Variants in NALF1 observed in about 807,000 individuals in gnomAD.
NALF1 encodes family with sequence similarity 155 member A.
In NALF1, 3 loss-of-function variants were observed where a neutral mutation model predicts 48.4. The observed-to-expected ratio is 0.06, with a 90% confidence interval of 0.03 to 0.16. The LOEUF (loss-of-function observed/expected upper bound fraction) is 0.16. Among genes scored for constraint, NALF1 ranks in the 10% least tolerant of loss-of-function variants. The pLI is 1.00. For synonymous variants in NALF1, 262 were observed against 245.7 expected, an observed-to-expected ratio of 1.07 and a Z score of -0.62; for missense variants, 526 against 571.5, an observed-to-expected ratio of 0.92 and a Z score of 0.81.
intron 1 of NALF1, among the ~76,000 whole-genome samples, chr13:107,706,883 G>C (rs1875386596): frequency 6.6e-6 from 1 of 151,582 alleles, no homozygotes; most frequent in Non-Finnish European, 1.5e-5. Flanking sequence ...TATGGGGAGA[G>C]GGTTATGTCC....
intron 1 of NALF1, among the ~76,000 whole-genome samples, chr13:107,539,602 G>A (rs1199371693): frequency 1.3e-5 from 2 of 152,120 alleles, no homozygotes; most frequent in Non-Finnish European, 2.9e-5. Flanking sequence ...AATAAGAGAT[G>A]TTTTATGAGA....
At chr13:107,635,920 C>A (rs1879963973) in intron 1 of NALF1, among the ~76,000 whole-genome samples, 1 of 152,000 alleles carries the variant, frequency 6.6e-6, no homozygotes, top group Admixed American at 6.6e-5. Context: ...TCCTAAACCT[C>A]AATAAAATTG....
chr13:107,593,321 C>A (rs952767852), intron 1 of NALF1, among the ~76,000 whole-genome samples: 1 of 151,728 alleles, frequency 6.6e-6, no homozygotes, highest in Non-Finnish European at 1.5e-5. Flanking sequence ...ATATTTTAAT[C>A]AAATATTTAT....
Position 107,254,966 on chromosome 13 carries a change from G to A in NALF1, c.916-44211C>T, listed in dbSNP as rs570122631. Among the ~76,000 whole-genome samples the A allele has an allele frequency of 7.2e-5, 11 of 152,250 alleles. No individual in the cohort carries two copies. In the South Asian group the frequency reaches 2.3e-3, roughly 32 times the overall value. ...TTACTTCATCTTTCCTTTCAAAGAT[G>A]TTTATTTTTTAAACAATATAAGATT... is the stretch of plus-strand genomic sequence containing the variant. On this transcript the variant is annotated intron_variant, in intron 1 of 2. Coordinates refer to ENST00000375915, the MANE Select transcript of NALF1 (RefSeq NM_001080396.3).
intron 1 of NALF1, among the ~76,000 whole-genome samples, chr13:107,235,350 C>CT (rs1335537066): frequency 1.9e-4 from 29 of 151,420 alleles, no homozygotes; most frequent in African/African-American, 4.6e-4. Context: ...ACCTACTTTT[C>CT]TTTTTTTTTA....
intron 1 of NALF1, among the ~76,000 whole-genome samples, chr13:107,596,261 G>A (rs1878743889): frequency 6.6e-6 from 1 of 152,278 alleles, no homozygotes; most frequent in South Asian, 2.1e-4. Flanking sequence ...AAGACAGTGT[G>A]GCGATTCCTC....
At chr13:107,459,481 A>C (rs1173879722) in intron 1 of NALF1, among the ~76,000 whole-genome samples, 4 of 152,138 alleles carry the variant, frequency 2.6e-5, no homozygotes, top group Non-Finnish European at 4.4e-5. Flanking sequence ...AAAGACTGAT[A>C]AGTCTTACTG....
intron 1 of NALF1, chr13:107,789,117 C>A (rs1440777662): frequency 6.6e-6 from 1 of 151,804 alleles, no homozygotes; most frequent in African/African-American, 2.4e-5. Flanking sequence ...TGAACTGGAT[C>A]AAGAGAAGAA....
At chr13:107,769,219 TGCTATA>T (rs1185126251) in intron 1 of NALF1, among the ~76,000 whole-genome samples, 4 of 148,742 alleles carry the variant, frequency 2.7e-5, no homozygotes, top group African/African-American at 9.9e-5. Flanking sequence ...TAAATCATGC[TGCTATA>T]AAGACACATG....
chr13:107,617,934 T>C (rs755591595), intron 1 of NALF1, among the ~76,000 whole-genome samples: 1 of 152,196 alleles, frequency 6.6e-6, no homozygotes, highest in Non-Finnish European at 1.5e-5. Context: ...GCTTTATAAC[T>C]AAACTGACAA....
intron 1 of NALF1, among the ~76,000 whole-genome samples, chr13:107,731,037 A>C (rs1308390900): frequency 6.6e-6 from 1 of 152,224 alleles, no homozygotes; most frequent in Non-Finnish European, 1.5e-5. Flanking sequence ...TTGAGTGAGC[A>C]TGAAAGCTGT....
chr13:107,604,761 T>C (rs1879020080), intron 1 of NALF1, among the ~76,000 whole-genome samples: 1 of 152,130 alleles, frequency 6.6e-6, no homozygotes, highest in South Asian at 2.1e-4. Flanking sequence ...CCGGTGGTGG[T>C]GGCCAGTGGG....
At chr13:107,380,185 C>A (rs1401735162) in intron 1 of NALF1, among the ~76,000 whole-genome samples, 2 of 152,078 alleles carry the variant, frequency 1.3e-5, no homozygotes, top group Non-Finnish European at 2.9e-5. Context: ...GAATCCTTAA[C>A]TAAATATATC....
chr13:107,751,375 G>C (rs1024400007), intron 1 of NALF1, among the ~76,000 whole-genome samples: 7 of 152,212 alleles, frequency 4.6e-5, no homozygotes, highest in African/African-American at 1.7e-4. Context: ...TAAAGTGTTA[G>C]AGAATATCAT....
At chr13:107,390,877 TTAA>T (rs71121527) in intron 1 of NALF1, among the ~76,000 whole-genome samples, 2,341 of 147,136 alleles carry the variant, frequency 0.016, 27 homozygotes, top group South Asian at 0.036. Context: ...AGCCAGAAGG[TTAA>T]TAATAATAAT....
chr13:107,708,238 G>T (rs1875461845), intron 1 of NALF1, among the ~76,000 whole-genome samples: 1 of 152,134 alleles, frequency 6.6e-6, no homozygotes, highest in Non-Finnish European at 1.5e-5. Context: ...CAAGAAGAAT[G>T]ATCCTTATTT....
At chr13:107,660,817 C>T (rs1880718190) in intron 1 of NALF1, among the ~76,000 whole-genome samples, 1 of 151,846 alleles carries the variant, frequency 6.6e-6, no homozygotes, top group African/African-American at 2.4e-5. Flanking sequence ...TCCACTGTAA[C>T]AAATGGACCA....
At chr13:107,319,281 A>G (rs1261902384) in intron 1 of NALF1, among the ~76,000 whole-genome samples, 2 of 152,112 alleles carry the variant, frequency 1.3e-5, no homozygotes, top group African/African-American at 4.8e-5. Flanking sequence ...GGACAGAAGA[A>G]CGCTGTGATT....
At chr13:107,541,809 A>C (rs1877007660) in intron 1 of NALF1, among the ~76,000 whole-genome samples, 1 of 152,142 alleles carries the variant, frequency 6.6e-6, no homozygotes, top group Admixed American at 6.6e-5. Context: ...TCTATTCCTC[A>C]ATGATGATGG....
Sources: gnomAD v4.1 joint callset for allele counts (sites outside exome capture counted in the v4.1 genomes callset) on GRCh38, gnomAD v4.1.1 for gene constraint, MANE v1.5 for transcripts, NCBI Gene and HGNC (gene_info 2026-07-23, HGNC 2026-07-21) for gene names.